USP34: variants seen among roughly 807,000 people sequenced by gnomAD.
USP34 encodes ubiquitin carboxyl-terminal hydrolase 34.
In USP34, 70 loss-of-function variants were observed where a neutral mutation model predicts 460.3. The observed-to-expected ratio is 0.15, with a 90% CI of 0.13 to 0.19. USP34 has a LOEUF of 0.19. Ranked by LOEUF, USP34 falls within the 10% of genes least tolerant of loss-of-function variation. The pLI is 1.00. For synonymous variants in USP34, 1,647 were observed against 1,405.3 expected (o/e 1.17, Z -3.85); for missense variants, 3,985 against 4,236.2 (o/e 0.94, Z 1.65).
At chr2:61,450,616 TA>T (rs1695243228) in intron 1 of USP34, among the ~76,000 whole-genome samples, 1 of 151,786 alleles carries the variant, frequency 6.6e-6, no homozygotes, top group Non-Finnish European at 1.5e-5. Context: ...ACCAAATAAA[TA>T]ATAAAGTAAA....
intron 21 of USP34, among the ~76,000 whole-genome samples, chr2:61,325,076 A>G (rs1222051414): frequency 6.6e-6 from 1 of 152,156 alleles, no homozygotes; most frequent in Non-Finnish European, 1.5e-5. Context: ...TGAAACTAAC[A>G]GACACTGGAG....
intron 69 of USP34, among the ~76,000 whole-genome samples, chr2:61,209,998 C>G (rs1213734896): frequency 6.6e-6 from 1 of 151,994 alleles, no homozygotes; most frequent in South Asian, 2.1e-4. Flanking sequence ...TTTTGTTCAG[C>G]TATAAAATGT....
Position 61,197,220 on chromosome 2 carries a change from G to A in USP34, c.9509-4240C>T, listed in dbSNP as rs543355236. On this transcript the variant is annotated intron_variant, in intron 75 of 79. Coordinates refer to ENST00000398571, the MANE Select transcript of USP34 (RefSeq NM_014709.4). ...CTGGAGGCAGAGGTTGCAGTGAGCC[G>A]AAACTGTGCCACTGTACTCCAGCCT... Among the ~76,000 whole-genome samples the A allele has an allele frequency of 5.0e-4, 76 of 152,290 alleles. 1 individual carries two copies. In the South Asian group the frequency reaches 0.01, roughly 20 times the overall value.
chr2:61,190,834 ATT>A, intron 76 of USP34, 176 bp from the exon 77 acceptor site: 1 of 662,974 alleles, frequency 1.5e-6, no homozygotes, highest in Non-Finnish European at 2.4e-6. Flanking sequence ...AACAGCAACT[ATT>A]TTTCATACAG....
chr2:61,377,976 T>C (rs573440952), intron 8 of USP34, among the ~76,000 whole-genome samples: 9 of 152,170 alleles, frequency 5.9e-5, no homozygotes, highest in Non-Finnish European at 1.2e-4. Flanking sequence ...TCTACAAGAC[T>C]AGACTGAGCA....
intron 53 of USP34, among the ~76,000 whole-genome samples, chr2:61,237,186 C>A (rs1688093177): frequency 6.6e-6 from 1 of 152,160 alleles, no homozygotes; most frequent in African/African-American, 2.4e-5. Context: ...AGTTCTTGGG[C>A]ATTTCCAGGC....
chr2:61,293,606 T>A (rs1414598189), intron 32 of USP34, 56 bp from the exon 33 acceptor site: 1 of 1,328,422 alleles, frequency 7.5e-7, no homozygotes, highest in Non-Finnish European at 1.1e-6. Flanking sequence ...AATGCAATAA[T>A]GCTTGTTGAT....
intron 48 of USP34, among the ~76,000 whole-genome samples, chr2:61,254,673 G>C (rs1688675638): frequency 6.6e-6 from 1 of 152,092 alleles, no homozygotes; most frequent in African/African-American, 2.4e-5. Flanking sequence ...AGAGCCTTTT[G>C]GCCAGGTGCA....
intron 2 of USP34, among the ~76,000 whole-genome samples, chr2:61,408,536 C>A (rs1693947474): frequency 6.6e-6 from 1 of 152,122 alleles, no homozygotes. Flanking sequence ...AAAATAAACA[C>A]ATTTCTCCTA....
At chr2:61,261,343 C>G (rs1688871990) in intron 43 of USP34, among the ~76,000 whole-genome samples, 1 of 152,180 alleles carries the variant, frequency 6.6e-6, no homozygotes, top group Admixed American at 6.5e-5. Flanking sequence ...GAACTTCTGA[C>G]ACATACAACA....
intron 37 of USP34, among the ~76,000 whole-genome samples, chr2:61,281,604 C>T (rs564317747): frequency 2.2e-4 from 34 of 152,026 alleles, no homozygotes; most frequent in Admixed American, 1.6e-3. Flanking sequence ...AAGATTATGC[C>T]TCATAAAAAT....
chr2:61,367,214 G>A (rs1389638426), intron 10 of USP34, among the ~76,000 whole-genome samples: 2 of 152,238 alleles, frequency 1.3e-5, no homozygotes, highest in Non-Finnish European at 2.9e-5. Context: ...TGGCCAGACT[G>A]TAACTCAAGT....
At chr2:61,303,950 T>G (rs1258538501) in intron 27 of USP34, among the ~76,000 whole-genome samples, 1 of 152,118 alleles carries the variant, frequency 6.6e-6, no homozygotes, top group Non-Finnish European at 1.5e-5. Context: ...CAGGCTGGAG[T>G]GCAATGGCAT....
intron 1 of USP34, among the ~76,000 whole-genome samples, chr2:61,446,037 C>T (rs1395908792): frequency 7.0e-6 from 1 of 143,624 alleles, no homozygotes; most frequent in African/African-American, 2.6e-5. Flanking sequence ...CACCTGAACC[C>T]AGGAAGGCAG....
intron 53 of USP34, among the ~76,000 whole-genome samples, chr2:61,240,840 CT>C (rs150908560): frequency 0.033 from 5,025 of 152,170 alleles, 283 homozygotes; most frequent in African/African-American, 0.11. Context: ...TCCCAAAGTG[CT>C]GGGATTATAG....
intron 1 of USP34, among the ~76,000 whole-genome samples, chr2:61,443,431 A>G (rs191537475): frequency 3.6e-4 from 55 of 152,254 alleles, no homozygotes; most frequent in African/African-American, 1.2e-3. Context: ...ATAAACACGT[A>G]CAATTATTAC....
At position 61,373,390 on chromosome 2, in the gene USP34, T is replaced by A. The variant is rs1467401897; in HGVS notation, c.1077-2811A>T. Among the ~76,000 whole-genome samples the A allele has an allele frequency of 2.7e-5, 4 of 150,418 alleles. No homozygotes were observed. The East Asian group carries it at 7.8e-4, about 29-fold the overall frequency. ...TAGTTTTTTTTTTTAAAGATCCAAC[T>A]ATATGCTACCCCCAAGACATACTTT... On this transcript the variant is annotated intron_variant, in intron 8 of 79. Transcript: ENST00000398571.
intron 10 of USP34, among the ~76,000 whole-genome samples, chr2:61,357,323 T>C (rs1413941989): frequency 6.6e-6 from 1 of 152,112 alleles, no homozygotes; most frequent in Non-Finnish European, 1.5e-5. Context: ...AATTAACACA[T>C]TCAAACAGTC....
At position 61,394,910 on chromosome 2, in the gene USP34, T is replaced by G; in HGVS notation, c.696A>C (p.Gly232=). ...LSLMKDCFEY[G]TPETLPFLIA... ...TAAGAAATGGCAAAGTTTCAGGAGT[T>G]CCATATTCAAAGCAATCCTTCATGA... Residue 232 remains glycine, a synonymous_variant, in exon 5 of 80, where the codon GGA becomes GGC. Transcript: ENST00000398571. 6.2e-7 allele frequency: 1 copy of G among 1,604,610 alleles called. No individual in the cohort carries two copies. The highest frequency in any genetic ancestry group is 8.5e-7 in the Non-Finnish European group (1 of 1,176,764).
Sources: allele counts gnomAD v4.1 joint callset (sites outside exome capture counted in the v4.1 genomes callset), GRCh38; gene constraint gnomAD v4.1.1; transcripts MANE v1.5; gene names NCBI Gene and HGNC (gene_info 2026-07-23, HGNC 2026-07-21).